The following DCC variants were observed in gnomAD, a reference collection of about 807,000 sequenced individuals.
The protein encoded by DCC is DCC netrin 1 receptor, also known as netrin receptor DCC.
In DCC, 58 loss-of-function variants were observed where a neutral mutation model predicts 172.5. The ratio of observed to expected loss-of-function variants is 0.34; its 90% confidence interval spans 0.27 to 0.42. The LOEUF (loss-of-function observed/expected upper bound fraction) is 0.42. Among genes scored for constraint, DCC ranks in the 10% least tolerant of loss-of-function variants. DCC has a pLI of 1.00. For synonymous variants in DCC, 709 were observed against 644.5 expected (o/e 1.10, Z -1.52); for missense variants, 1,740 against 1,791.0 (o/e 0.97, Z 0.51).
intron 8 of DCC, among the ~76,000 whole-genome samples, chr18:53,158,988 C>CAAAAAAAAAAAAAAAA (rs558049091): frequency 1.5e-4 from 8 of 52,372 alleles, no homozygotes; most frequent in African/African-American, 4.8e-4. Context: ...GACGCCATCT[C>CAAAAAAAAAAAAAAAA]AAAAAAAAAA....
intron 2 of DCC, among the ~76,000 whole-genome samples, chr18:52,789,917 C>T (rs1246850545): frequency 3.9e-5 from 6 of 152,156 alleles, no homozygotes; most frequent in Non-Finnish European, 5.9e-5. Flanking sequence ...GCCACAAGAT[C>T]AGGAACCATG....
At chr18:52,731,874 T>A (rs1271250125) in intron 1 of DCC, among the ~76,000 whole-genome samples, 4 of 152,208 alleles carry the variant, frequency 2.6e-5, no homozygotes, top group Non-Finnish European at 5.9e-5. Context: ...TGATAGCAAA[T>A]ATTTTAATGA....
intron 1 of DCC, among the ~76,000 whole-genome samples, chr18:52,517,545 C>A (rs1484866174): frequency 6.6e-6 from 1 of 152,166 alleles, no homozygotes; most frequent in Non-Finnish European, 1.5e-5. Context: ...CAAGTTGTAC[C>A]AAATAGCAAC....
intron 5 of DCC, among the ~76,000 whole-genome samples, chr18:52,937,285 A>T (rs2040395043): frequency 6.6e-6 from 1 of 152,156 alleles, no homozygotes; most frequent in Non-Finnish European, 1.5e-5. Flanking sequence ...ATAGCAGTGA[A>T]TGAGTTTTTC....
chr18:52,395,697 C>A (rs1986199121), intron 1 of DCC, among the ~76,000 whole-genome samples: 1 of 152,006 alleles, frequency 6.6e-6, no homozygotes, highest in Non-Finnish European at 1.5e-5. Context: ...TGAGATCTGC[C>A]TTCTTCTTAC....
chr18:52,388,844 C>T (rs911552240), intron 1 of DCC, among the ~76,000 whole-genome samples: 32 of 152,070 alleles, frequency 2.1e-4, no homozygotes, highest in Admixed American at 1.7e-3. Flanking sequence ...TCCACATGGA[C>T]GTATAAATGA....
chr18:52,429,449 A>G (rs964881953), intron 1 of DCC, among the ~76,000 whole-genome samples: 1 of 152,160 alleles, frequency 6.6e-6, no homozygotes, highest in Non-Finnish European at 1.5e-5. Context: ...GTTTGATGTT[A>G]GAGTGATAAG....
chr18:52,818,418 T>TAAAAA lies in DCC; in HGVS notation c.412+66061_412+66065dup, dbSNP rs55812629. On this transcript the variant is annotated intron_variant, in intron 2 of 28. Transcript: ENST00000442544. The stretch of plus-strand genomic sequence containing the variant: ...CAGAATGAGACCCTGTCTCAAAAAG[T>TAAAAA]AAAAAAAAAAAAAAAAAAAAATTTA... Among the ~76,000 whole-genome samples the TAAAAA allele has an allele frequency of 4.6e-3, 449 of 97,064 alleles. 4 individuals are homozygous for TAAAAA. The highest frequency in any genetic ancestry group is 0.014 in the African/African-American group (393 of 28,986). 63.7% of individuals were successfully genotyped at this position (97,064 alleles called of 152,430 possible). A position where few individuals can be genotyped will look rare whatever the true frequency, so the allele number is the denominator to read the frequency against.
intron 1 of DCC, among the ~76,000 whole-genome samples, chr18:52,642,844 T>C (rs570062269): frequency 6.6e-6 from 1 of 152,210 alleles, no homozygotes; most frequent in East Asian, 1.9e-4. Context: ...TTCAATATTT[T>C]GTAGAGATGA....
intron 12 of DCC, among the ~76,000 whole-genome samples, chr18:53,305,013 T>G (rs533534686): frequency 6.6e-6 from 1 of 152,322 alleles, no homozygotes; most frequent in African/African-American, 2.4e-5. Context: ...CGAGATCTGA[T>G]AGTTTTATAA....
chr18:53,002,007 G>A (rs2041572805), intron 5 of DCC, among the ~76,000 whole-genome samples: 1 of 152,072 alleles, frequency 6.6e-6, no homozygotes, highest in East Asian at 1.9e-4. Flanking sequence ...AACTCAAATA[G>A]AAAAGGAGAT....
intron 1 of DCC, among the ~76,000 whole-genome samples, chr18:52,606,897 A>C (rs1382992817): frequency 1.3e-5 from 2 of 152,184 alleles, no homozygotes; most frequent in Non-Finnish European, 2.9e-5. Context: ...TTCCTGATTA[A>C]GCTATTATTT....
intron 16 of DCC, among the ~76,000 whole-genome samples, chr18:53,390,929 C>T (rs1018267470): frequency 6.6e-6 from 1 of 152,138 alleles, no homozygotes; most frequent in African/African-American, 2.4e-5. Flanking sequence ...TGGGTAAAAT[C>T]ACACTTCTAC....
intron 5 of DCC, among the ~76,000 whole-genome samples, chr18:52,963,413 T>C (rs1353124725): frequency 6.6e-6 from 1 of 152,098 alleles, no homozygotes; most frequent in Non-Finnish European, 1.5e-5. Flanking sequence ...ATTTCCTTAA[T>C]GATAAATGAT....
At chr18:52,519,667 G>T (rs2031748118) in intron 1 of DCC, among the ~76,000 whole-genome samples, 1 of 152,162 alleles carries the variant, frequency 6.6e-6, no homozygotes, top group Non-Finnish European at 1.5e-5. Context: ...CAGGGTTTTT[G>T]CAGGTTTATA....
chr18:53,389,665 G>C (rs1438905719), intron 16 of DCC, among the ~76,000 whole-genome samples: 1 of 152,092 alleles, frequency 6.6e-6, no homozygotes, highest in African/African-American at 2.4e-5. Context: ...CTTGGCCAAG[G>C]ATAGAAATTT....
At chr18:52,471,277 G>A (rs1361627901) in intron 1 of DCC, among the ~76,000 whole-genome samples, 1 of 152,128 alleles carries the variant, frequency 6.6e-6, no homozygotes, top group Non-Finnish European at 1.5e-5. Context: ...TTGAGCCCAG[G>A]AAGCCGAGGC....
At chr18:52,589,982 G>C (rs1479133297) in intron 1 of DCC, among the ~76,000 whole-genome samples, 1 of 151,866 alleles carries the variant, frequency 6.6e-6, no homozygotes, top group Non-Finnish European at 1.5e-5. Context: ...TGCATTTCAT[G>C]GTAAAAATCT....
chr18:53,494,882 G>T (rs928473155), intron 26 of DCC, among the ~76,000 whole-genome samples: 1 of 152,138 alleles, frequency 6.6e-6, no homozygotes, highest in Non-Finnish European at 1.5e-5. Context: ...AATTAATGCA[G>T]TTTCTTCATC....
Sources: allele counts gnomAD v4.1 joint callset (sites outside exome capture counted in the v4.1 genomes callset), GRCh38; gene constraint gnomAD v4.1.1; transcripts MANE v1.5; gene names NCBI Gene and HGNC (gene_info 2026-07-23, HGNC 2026-07-21).